The following HMGB1 variants were observed in gnomAD, a reference collection of about 807,000 sequenced individuals.
The protein encoded by HMGB1 is high mobility group protein B1.
For synonymous variants in HMGB1, 81 were observed against 84.0 expected, an observed-to-expected ratio of 0.96 and a Z score of 0.19; for missense variants, 79 against 253.5, an observed-to-expected ratio of 0.31 and a Z score of 4.67.
chr13:30,523,702 C>T (rs531337605), intron 1 of HMGB1, among the ~76,000 whole-genome samples: 1 of 151,964 alleles, frequency 6.6e-6, no homozygotes, highest in Non-Finnish European at 1.5e-5. Flanking sequence ...GCTACTTGTA[C>T]CATCTGGTGC....
chr13:30,607,310 A>G (rs921197229), intron 1 of HMGB1, among the ~76,000 whole-genome samples: 3 of 152,230 alleles, frequency 2.0e-5, no homozygotes, highest in Non-Finnish European at 4.4e-5. Flanking sequence ...CTTGAATTGT[A>G]ATCCCCACGT....
intron 1 of HMGB1, among the ~76,000 whole-genome samples, chr13:30,595,756 C>T (rs1871579512): frequency 6.6e-6 from 1 of 152,106 alleles, no homozygotes; most frequent in African/African-American, 2.4e-5. Flanking sequence ...CTGCTGGGTG[C>T]TGGGAGGAGA....
intron 1 of HMGB1, among the ~76,000 whole-genome samples, chr13:30,531,039 T>C (rs545288807): frequency 2.2e-4 from 34 of 152,222 alleles, no homozygotes; most frequent in African/African-American, 7.5e-4. Context: ...AGTGAGACCC[T>C]GTCTCAAAAG....
intron 1 of HMGB1, among the ~76,000 whole-genome samples, chr13:30,592,009 A>G (rs1252814081): frequency 6.6e-6 from 1 of 152,170 alleles, no homozygotes; most frequent in South Asian, 2.1e-4. Flanking sequence ...GGAGAAAGCA[A>G]CTGTGTTCTT....
At chr13:30,598,362 C>T (rs1871709982) in intron 1 of HMGB1, among the ~76,000 whole-genome samples, 1 of 152,244 alleles carries the variant, frequency 6.6e-6, no homozygotes, top group African/African-American at 2.4e-5. Flanking sequence ...AAGATCGTCA[C>T]TGTTGCTTTT....
At chr13:30,590,071 T>C (rs997605526) in intron 1 of HMGB1, among the ~76,000 whole-genome samples, 5 of 152,088 alleles carry the variant, frequency 3.3e-5, no homozygotes. Flanking sequence ...CAGGCTGGTC[T>C]CTGAATCTGA....
At position 30,463,593 on chromosome 13, in the gene HMGB1, T is replaced by G. The variant is rs139424505; in HGVS notation, c.88A>C (p.Lys30Gln). 1.7e-5 allele frequency: 27 copies of G among 1,608,730 alleles called. No individual in the cohort carries two copies. Among genetic ancestry groups the G allele is most frequent in the East Asian group, 2.2e-5 (1 of 44,866 alleles). The change falls in exon 2 of 5, where the codon AAG (lysine) becomes CAG (glutamine). Residue 30 changes from lysine to glutamine, a missense_variant. Lys to Gln is a moderately conservative substitution (Grantham distance 53). Transcript: ENST00000341423. ...AAGTTGACTGAAGCATCTGGGTGCTTCTTCTTATGCTCCTCCCGACAAGTT... is the reference window on the plus strand; with the variant it reads ...AAGTTGACTGAAGCATCTGGGTGCTGCTTCTTATGCTCCTCCCGACAAGTT... ...VQTCREEHKK[K>Q]HPDASVNFSE...
intron 1 of HMGB1, among the ~76,000 whole-genome samples, chr13:30,520,492 T>TAC (rs1888213862): frequency 1.3e-5 from 2 of 151,686 alleles, no homozygotes; most frequent in African/African-American, 4.9e-5. Context: ...TGGTGGCGTA[T>TAC]GCCTGTAATC....
Position 30,559,282 on chromosome 13 carries a change from A to C in HMGB1, c.-15+57389T>G, listed in dbSNP as rs1179613742. On this transcript the variant is annotated intron_variant, in intron 1 of 4. Coordinates refer to the HMGB1 transcript ENST00000405805. This position sits in a 1 kb window ranked among gnomAD's most constrained non-coding sequence, Gnocchi z 6.6. ...TCCTGTGCTTCTAGAGTGGCTAGGGAAGCACACTATGGGACAACCTTTCCT... is the reference window on the plus strand; with the variant it reads ...TCCTGTGCTTCTAGAGTGGCTAGGGCAGCACACTATGGGACAACCTTTCCT... Among the ~76,000 whole-genome samples the C allele has an allele frequency of 6.6e-6, 1 of 152,026 alleles. No individual in the cohort carries two copies. Among genetic ancestry groups the C allele is most frequent in the Non-Finnish European group, 1.5e-5 (1 of 67,994 alleles).
chr13:30,571,458 C>A (rs190797840), intron 1 of HMGB1, among the ~76,000 whole-genome samples: 1 of 152,202 alleles, frequency 6.6e-6, no homozygotes, highest in African/African-American at 2.4e-5. Context: ...CCATGCCCGG[C>A]TAATTTTTTT....
At chr13:30,468,529 C>A (rs925410841), upstream of HMGB1, among the ~76,000 whole-genome samples, 1 of 152,228 alleles carries the variant, frequency 6.6e-6, no homozygotes, top group African/African-American at 2.4e-5. Context: ...GCTGGGATTA[C>A]AGGCATGAGC....
intron 1 of HMGB1, chr13:30,554,647 AG>A: frequency 1.3e-6 from 1 of 772,004 alleles, no homozygotes. Context: ...AAAAACTGAC[AG>A]GTGACCGATG....
At chr13:30,502,874 C>T (rs964046833) in intron 1 of HMGB1, among the ~76,000 whole-genome samples, 1 of 152,002 alleles carries the variant, frequency 6.6e-6, no homozygotes, top group African/African-American at 2.4e-5. Flanking sequence ...TGGGGTTTCA[C>T]CATGCTGGCC....
intron 1 of HMGB1, chr13:30,540,476 TC>T (rs945144285): frequency 6.5e-6 from 1 of 154,688 alleles, no homozygotes; most frequent in African/African-American, 2.4e-5. Flanking sequence ...CACATTACTT[TC>T]AAAAGACAAT....
intron 1 of HMGB1, among the ~76,000 whole-genome samples, chr13:30,528,991 T>C (rs1328021348): frequency 8.1e-6 from 1 of 123,814 alleles, no homozygotes; most frequent in Non-Finnish European, 1.5e-5. Context: ...ATCGCGCCAC[T>C]GCACTCCAGC....
rs1467718 is a variant in HMGB1 at position 30,480,073 on chromosome 13, C to T, written c.-14-16379G>A. On this transcript the variant is annotated intron_variant, in intron 1 of 4. Transcript: ENST00000405805. ...TTCTCTGGCCTGTAATGTCCTTCCC[C>T]CTCCTCTGCTGCTAAAACCCAATCT... Among the ~76,000 whole-genome samples, 11 of 152,074 alleles carry T rather than the reference C, an allele frequency of 7.2e-5. No homozygotes were observed. In the East Asian group the frequency reaches 1.2e-3, roughly 16 times the overall value.
intron 1 of HMGB1, among the ~76,000 whole-genome samples, chr13:30,525,362 G>A (rs535174692): frequency 2.0e-5 from 3 of 152,196 alleles, no homozygotes; most frequent in South Asian, 4.1e-4. Context: ...TTGTTCTTTG[G>A]CGTACTCCCA....
chr13:30,478,438 T>G (rs1199006755), intron 1 of HMGB1, among the ~76,000 whole-genome samples: 2 of 152,218 alleles, frequency 1.3e-5, no homozygotes, highest in Non-Finnish European at 2.9e-5. Context: ...TTTGGCTAAA[T>G]GCATTTTAAT....
chr13:30,462,777 T>C, intron 3 of HMGB1, 65 bp from the exon 4 acceptor site: 1 of 1,304,570 alleles, frequency 7.7e-7, no homozygotes, highest in Non-Finnish European at 1.1e-6. Context: ...CTATCAAGTG[T>C]ACACTGCATT....
Sources: gnomAD v4.1 joint callset for allele counts (sites outside exome capture counted in the v4.1 genomes callset) on GRCh38, gnomAD v4.1.1 for gene constraint, Gnocchi (gnomAD v3.1) non-coding constraint, MANE v1.5 for transcripts, NCBI Gene and HGNC (gene_info 2026-07-23, HGNC 2026-07-21) for gene names.